The following SGCD variants were observed in gnomAD, a reference collection of about 807,000 sequenced individuals.
SGCD encodes sarcoglycan delta.
SGCD carries 18 observed loss-of-function variants against 36.6 expected under a neutral mutation model. The ratio of observed to expected loss-of-function variants is 0.49; its 90% CI spans 0.34 to 0.73. The LOEUF (loss-of-function observed/expected upper bound fraction) is 0.73, where lower values mean the gene tolerates loss of function less well. Among genes scored for constraint, SGCD ranks in the 30% least tolerant of loss-of-function variants. The probability of loss-of-function intolerance (pLI) is 0.01; values close to 1 mark genes in which losing one functional copy is unlikely to be tolerated. For missense variants in SGCD, 387 were observed against 346.7 expected, an observed-to-expected ratio of 1.12 and a Z score of -0.92; for synonymous variants, 133 against 130.6, an observed-to-expected ratio of 1.02 and a Z score of -0.12.
At chr5:156,009,817 T>A (rs914553119) in intron 1 of SGCD, among the ~76,000 whole-genome samples, 6 of 152,224 alleles carry the variant, frequency 3.9e-5, no homozygotes, top group Non-Finnish European at 7.3e-5. Context: ...TCTGAATTGC[T>A]GTCTAGTCAT....
intron 3 of SGCD, among the ~76,000 whole-genome samples, chr5:156,280,010 C>T (rs1046941343): frequency 2.6e-5 from 4 of 151,466 alleles, no homozygotes; most frequent in Non-Finnish European, 5.9e-5. Context: ...CACACACAAA[C>T]ATATGTGTGG....
intron 7 of SGCD, among the ~76,000 whole-genome samples, chr5:156,696,226 A>G (rs538056894): frequency 1.3e-5 from 2 of 152,298 alleles, no homozygotes; most frequent in East Asian, 1.9e-4. Flanking sequence ...CTGTGAAGCT[A>G]AGCAGTGATT....
intron 7 of SGCD, among the ~76,000 whole-genome samples, chr5:156,668,405 C>T (rs1489806206): frequency 6.6e-6 from 1 of 152,114 alleles, no homozygotes; most frequent in Non-Finnish European, 1.5e-5. Context: ...TCTCCCTTAT[C>T]CCCAGTATTT....
chr5:155,773,568 G>T, the SGCD span, among the ~76,000 whole-genome samples: 5 of 152,134 alleles, frequency 3.3e-5, no homozygotes, highest in South Asian at 8.3e-4. Context: ...GTTGAACAGG[G>T]TATTGTCATT....
intron 3 of SGCD, among the ~76,000 whole-genome samples, chr5:156,255,372 T>A (rs1378316090): frequency 6.6e-6 from 1 of 152,234 alleles, no homozygotes; most frequent in Non-Finnish European, 1.5e-5. Context: ...CTTATTAGAC[T>A]GGGCCTCTAA....
intron 4 of SGCD, among the ~76,000 whole-genome samples, chr5:156,514,521 A>T (rs902188439): frequency 1.3e-5 from 2 of 152,246 alleles, no homozygotes; most frequent in African/African-American, 2.4e-5. Context: ...AGGAGAATAA[A>T]GTGGAAAATT....
Position 156,229,295 on chromosome 5 carries a change from T to TACACAC in SGCD, c.-43-100238_-43-100237insCACACA, listed in dbSNP as rs1264426450. On this transcript the variant is annotated intron_variant, in intron 3 of 9. Coordinates refer to the SGCD transcript ENST00000517913. ...ATACATACATATATATATATATATA[T>TACACAC]ATATAAAATTAGTTCTTCCATTGGT... Among the ~76,000 whole-genome samples, 470 of 125,848 alleles carry TACACAC rather than the reference T, an allele frequency of 3.7e-3. 21 individuals are homozygous for TACACAC. Among genetic ancestry groups the TACACAC allele is most frequent in the East Asian group, 0.013 (61 of 4,562 alleles). The allele number at this position is 125,848 out of a possible 152,430, so 82.6% of individuals were successfully genotyped here. A position where few individuals can be genotyped will look rare whatever the true frequency, so the allele number is the denominator to read the frequency against.
intron 3 of SGCD, among the ~76,000 whole-genome samples, chr5:156,237,516 G>A (rs965401543): frequency 4.6e-5 from 7 of 152,052 alleles, no homozygotes; most frequent in African/African-American, 1.2e-4. Flanking sequence ...TCCCACCTAC[G>A]TGGCAGGCTG....
chr5:155,788,627 A>C, the SGCD span, among the ~76,000 whole-genome samples: 5 of 152,150 alleles, frequency 3.3e-5, no homozygotes, highest in African/African-American at 1.2e-4. Context: ...ACCATCCATT[A>C]ATTCATTCAT....
Position 156,277,141 on chromosome 5 carries a change from G to T in SGCD, c.-43-52393G>T, listed in dbSNP as rs558829929. Among the ~76,000 whole-genome samples, 5 of 152,302 alleles carry T rather than the reference G, an allele frequency of 3.3e-5. No homozygotes were observed. The East Asian group carries it at 9.6e-4, about 29-fold the overall frequency. On this transcript the variant is annotated intron_variant, in intron 3 of 9. Coordinates refer to the SGCD transcript ENST00000517913. ...TATCTTGAAGAATTTCAGACCAGTG[G>T]TTAAAGGGATGGAGAGTGAGATGGG...
chr5:156,222,690 T>C (rs1764746057), intron 3 of SGCD, among the ~76,000 whole-genome samples: 1 of 152,128 alleles, frequency 6.6e-6, no homozygotes, highest in Non-Finnish European at 1.5e-5. Flanking sequence ...ATAGATGAAA[T>C]GTTCTTCTTT....
chr5:156,213,149 A>T (rs1016718865), intron 3 of SGCD, among the ~76,000 whole-genome samples: 1 of 152,002 alleles, frequency 6.6e-6, no homozygotes, highest in African/African-American at 2.4e-5. Context: ...AATAATAAAC[A>T]TGAGAGCAAA....
chr5:156,513,811 A>C (rs1757040628), intron 4 of SGCD, among the ~76,000 whole-genome samples: 1 of 152,224 alleles, frequency 6.6e-6, no homozygotes, highest in Admixed American at 6.5e-5. Context: ...TGCATCTGGG[A>C]GTTGAATGAA....
At position 155,923,938 on chromosome 5, in the gene SGCD, G is replaced by A. The variant is rs140639470; in HGVS notation, c.-282+53514G>A. Among the ~76,000 whole-genome samples the A allele has an allele frequency of 3.7e-3, 568 of 152,304 alleles. 4 individuals are homozygous for A. Among genetic ancestry groups the A allele is most frequent in the African/African-American group, 0.013 (549 of 41,564 alleles). On this transcript the variant is annotated intron_variant, in intron 1 of 9. Transcript: ENST00000517913. ...AATTTAGAGTTCCCACACTGTGGGT[G>A]TGAAAGGGTCCTCATTTAGATGTAA... is the stretch of plus-strand genomic sequence containing the variant.
intron 3 of SGCD, among the ~76,000 whole-genome samples, chr5:156,229,661 T>G (rs1159931040): frequency 1.3e-5 from 2 of 152,096 alleles, no homozygotes; most frequent in Non-Finnish European, 2.9e-5. Context: ...GATATTTTTG[T>G]GATGAATTTC....
At chr5:156,315,412 C>T (rs1581237911) in intron 3 of SGCD, among the ~76,000 whole-genome samples, 2 of 151,856 alleles carry the variant, frequency 1.3e-5, no homozygotes, top group Non-Finnish European at 2.9e-5. Context: ...TAAGGCTGAA[C>T]AGTATTGTAC....
chr5:155,756,083 G>T, the SGCD span, among the ~76,000 whole-genome samples: 1 of 152,214 alleles, frequency 6.6e-6, no homozygotes, highest in Non-Finnish European at 1.5e-5. Flanking sequence ...GGGTTCAGGT[G>T]TTCCCTCTCA....
At chr5:156,382,718 C>T (rs1771051972) in intron 3 of SGCD, among the ~76,000 whole-genome samples, 1 of 152,088 alleles carries the variant, frequency 6.6e-6, no homozygotes, top group South Asian at 2.1e-4. Flanking sequence ...GCTTTCTAAA[C>T]TCTTCACCAA....
chr5:156,639,534 A>G (rs1426606425), intron 6 of SGCD, among the ~76,000 whole-genome samples: 4 of 152,316 alleles, frequency 2.6e-5, no homozygotes, highest in East Asian at 3.9e-4. Context: ...CTGGTACCCA[A>G]TATCCAATAC....
Sources: allele counts gnomAD v4.1 joint callset (sites outside exome capture counted in the v4.1 genomes callset), GRCh38; gene constraint gnomAD v4.1.1; transcripts MANE v1.5; gene names NCBI Gene and HGNC (gene_info 2026-07-23, HGNC 2026-07-21).